The following NCOR2 variants were observed in gnomAD, a reference collection of about 807,000 sequenced individuals.
NCOR2 encodes the protein nuclear receptor corepressor 2.
A neutral mutation model predicts 262.9 loss-of-function variants in NCOR2; 81 were observed. That is an observed-to-expected ratio of 0.31 (90% CI 0.26 to 0.37). NCOR2 has a LOEUF of 0.37. NCOR2 is among the 10% of genes least tolerant of loss of function. The probability of loss-of-function intolerance (pLI) is 1.00; values close to 1 mark genes in which losing one functional copy is unlikely to be tolerated. For missense variants in NCOR2, 3,385 were observed against 3,621.4 expected, an observed-to-expected ratio of 0.93 and a Z score of 1.68; for synonymous variants, 1,659 against 1,559.3, an observed-to-expected ratio of 1.06 and a Z score of -1.51.
At chr12:124,411,112 G>A (rs916485851) in intron 13 of NCOR2, among the ~76,000 whole-genome samples, 2 of 150,630 alleles carry the variant, frequency 1.3e-5, no homozygotes, top group African/African-American at 2.4e-5. Flanking sequence ...TAGAGACAGA[G>A]TTAAAAGACT....
chr12:124,510,578 C>T (rs1304375214), intron 1 of NCOR2, among the ~76,000 whole-genome samples: 2 of 152,364 alleles, frequency 1.3e-5, no homozygotes, highest in South Asian at 2.1e-4. Context: ...TGGATGCAAA[C>T]CCAGGCGAGC....
At chr12:124,449,951 G>T in intron 6 of NCOR2, 84 bp from the exon 9 acceptor site, 1 of 1,398,744 alleles carries the variant, frequency 7.1e-7, no homozygotes, top group Non-Finnish European at 1.0e-6. Flanking sequence ...CACAGCCCTG[G>T]CACGGAGGAG....
intron 43 of NCOR2, chr12:124,331,434 C>T (rs1408536634): frequency 6.4e-6 from 1 of 155,320 alleles, no homozygotes; most frequent in Non-Finnish European, 1.4e-5. Flanking sequence ...CTTACAGGGC[C>T]CTGGAGTTAC....
At position 124,409,459 on chromosome 12, in the gene NCOR2, G is replaced by A. The variant is rs190251814; in HGVS notation, c.1483-6898C>T. 1.2e-3 allele frequency among the ~76,000 whole-genome samples: 178 copies of A among 152,310 alleles called. 1 individual carries two copies. The highest frequency in any genetic ancestry group is 1.6e-3 in the Non-Finnish European group (106 of 68,034). On this transcript the variant is annotated intron_variant, in intron 13 of 46. Coordinates refer to ENST00000405201, the Ensembl canonical transcript of NCOR2. The stretch of plus-strand genomic sequence containing the variant: ...GGACACCTCCTCAGAGAAGCCTTGC[G>A]GCCAGCTCCCTATAAAAGCTGCCCT...
intron 4 of NCOR2, among the ~76,000 whole-genome samples, chr12:124,467,764 C>A: frequency 8.8e-6 from 1 of 114,106 alleles, no homozygotes; most frequent in Non-Finnish European, 1.9e-5. Context: ...CTTCATCACC[C>A]CCATCACCCT....
chr12:124,457,860 C>A lies in NCOR2; in HGVS notation c.706-698G>T, dbSNP rs2045964411. Among the ~76,000 whole-genome samples the A allele has an allele frequency of 6.6e-6, 1 of 152,216 alleles. No individual in the cohort carries two copies. Among genetic ancestry groups the A allele is most frequent in the African/African-American group, 2.4e-5 (1 of 41,468 alleles). Reference sequence around the variant, plus strand: ...TGCCTCGGCCAGGCCCACCAGCCCGCAGCCTGGGACCACCAGGGTCCACTC... The same window carrying A: ...TGCCTCGGCCAGGCCCACCAGCCCGAAGCCTGGGACCACCAGGGTCCACTC... On this transcript the variant is annotated intron_variant, in intron 5 of 46. Coordinates refer to ENST00000405201, the Ensembl canonical transcript of NCOR2. The surrounding 1 kb of genome is among the most constrained non-coding windows in gnomAD (Gnocchi z 4.0).
At chr12:124,325,150 C>A in exon 47 of NCOR2, 46 of 226,382 alleles carry the variant, frequency 2.0e-4, no homozygotes, top group South Asian at 5.4e-4. Flanking sequence ...CCGGCCCCTT[C>A]CCCTCCCTTC....
rs775015071 is a variant in NCOR2 at position 124,326,380 on chromosome 12, G to A, written c.7184-10C>T. The A allele has an allele frequency of 2.2e-5, 32 of 1,484,780 alleles. No homozygotes were observed. The Admixed American group carries it at 3.0e-4, about 14-fold the overall frequency. 92.0% of individuals were successfully genotyped at this position (1,484,780 alleles called of 1,614,324 possible). A position where few individuals can be genotyped will look rare whatever the true frequency, so the allele number is the denominator to read the frequency against. On this transcript the variant is annotated splice_polypyrimidine_tract_variant and intron_variant, in intron 45 of 46. Coordinates refer to ENST00000405201, the Ensembl canonical transcript of NCOR2. ...GCCTTCCCGCCGCCACCTGCAGGGGGACAAGATGGGAAGGGGCTGCGTTGG... is the reference window on the plus strand; with the variant it reads ...GCCTTCCCGCCGCCACCTGCAGGGGAACAAGATGGGAAGGGGCTGCGTTGG...
intron 9 of NCOR2, 38 bp from the exon 12 acceptor site, chr12:124,429,744 G>C (rs771520122): frequency 6.5e-7 from 1 of 1,541,922 alleles, no homozygotes; most frequent in Middle Eastern, 1.7e-4. Flanking sequence ...CCGGTCTTCT[G>C]GTGGTCGGGG....
intron 32 of NCOR2, 28 bp downstream of exon 34, chr12:124,344,569 C>T (rs933930038): frequency 1.4e-6 from 2 of 1,422,708 alleles, no homozygotes; most frequent in Non-Finnish European, 9.2e-7. Flanking sequence ...GCGCCCACCC[C>T]ACTCACGCCC....
At chr12:124,509,242 G>GGC (rs1411194174) in intron 1 of NCOR2, among the ~76,000 whole-genome samples, 1 of 132,218 alleles carries the variant, frequency 7.6e-6, no homozygotes, top group Non-Finnish European at 1.7e-5. Context: ...TGGTGGGGGG[G>GGC]GGGGGGGCTT....
At chr12:124,376,305 G>A (rs962718584) in intron 18 of NCOR2, among the ~76,000 whole-genome samples, 2 of 152,324 alleles carry the variant, frequency 1.3e-5, no homozygotes, top group South Asian at 2.1e-4. Context: ...CAAGCGATGC[G>A]GGGGTCGTTG....
At chr12:124,344,240 C>A (rs2036727007) in intron 32 of NCOR2, among the ~76,000 whole-genome samples, 1 of 152,212 alleles carries the variant, frequency 6.6e-6, no homozygotes. Context: ...AGGCAGGCGC[C>A]CCAAGGCCAT....
intron 18 of NCOR2, among the ~76,000 whole-genome samples, chr12:124,374,913 A>G (rs1397219899): frequency 6.6e-6 from 1 of 151,710 alleles, no homozygotes; most frequent in Non-Finnish European, 1.5e-5. Flanking sequence ...CCCCCCACCA[A>G]CCCTCCAGTC....
chr12:124,340,825 C>T lies in NCOR2; in HGVS notation c.5189-74G>A, dbSNP rs1371294170. ...CAGGCTGCCCACCGGCCAGATCACC[C>T]TCCTGGAGAGCACGGCACACACTCC... On this transcript the variant is annotated intron_variant, in intron 34 of 46. Coordinates refer to ENST00000405201, the Ensembl canonical transcript of NCOR2. The T allele has an allele frequency of 1.2e-5, 16 of 1,372,532 alleles. No individual in the cohort carries two copies. The African/African-American group carries it at 1.8e-4, about 15-fold the overall frequency. The allele number at this position is 1,372,532 out of a possible 1,614,324, so 85.0% of individuals were successfully genotyped here. A position where few individuals can be genotyped will look rare whatever the true frequency, so the allele number is the denominator to read the frequency against.
At chr12:124,383,956 G>A (rs182210719) in intron 17 of NCOR2, among the ~76,000 whole-genome samples, 2 of 152,324 alleles carry the variant, frequency 1.3e-5, no homozygotes, top group African/African-American at 4.8e-5. Context: ...TGGAAAGCCA[G>A]GCTGTGTGGC....
chr12:124,360,159 G>A (rs1031316570), intron 22 of NCOR2, among the ~76,000 whole-genome samples: 2 of 152,214 alleles, frequency 1.3e-5, no homozygotes, highest in Non-Finnish European at 2.9e-5. Flanking sequence ...CAAAGCTGCT[G>A]GGGCCCCTGA....
At chr12:124,561,440 G>C (rs567868320) in intron 1 of NCOR2, among the ~76,000 whole-genome samples, 4 of 152,216 alleles carry the variant, frequency 2.6e-5, no homozygotes, top group African/African-American at 9.7e-5. Flanking sequence ...ACAGCTTTGG[G>C]CAGTTTTAAT....
At chr12:124,559,294 T>C (rs780731136) in intron 1 of NCOR2, among the ~76,000 whole-genome samples, 1 of 152,176 alleles carries the variant, frequency 6.6e-6, no homozygotes, top group Non-Finnish European at 1.5e-5. Flanking sequence ...GCACTTGCAA[T>C]ATTGCCTCCA....
Sources: allele counts gnomAD v4.1 joint callset (sites outside exome capture counted in the v4.1 genomes callset), GRCh38; gene constraint gnomAD v4.1.1; non-coding constraint Gnocchi (gnomAD v3.1); transcripts MANE v1.5; gene names NCBI Gene and HGNC (gene_info 2026-07-23, HGNC 2026-07-21).